The following SPINT2 variants were observed in gnomAD, a reference collection of about 807,000 sequenced individuals.
SPINT2 encodes the protein serine peptidase inhibitor, Kunitz type 2.
Under a neutral mutation model 30.1 loss-of-function variants are expected in SPINT2, and 18 were observed. That is an observed-to-expected ratio of 0.60 (90% CI 0.41 to 0.89). The LOEUF is 0.89. SPINT2 is among the 40% of genes least tolerant of loss of function. The pLI, the probability that SPINT2 is intolerant of heterozygous loss-of-function variation, is 0.00. For missense variants in SPINT2, 276 were observed against 334.3 expected (o/e 0.83, Z 1.36); for synonymous variants, 139 against 137.9 (o/e 1.01, Z -0.05).
At chr19:38,282,095 G>T (rs1348264795) in intron 1 of SPINT2, among the ~76,000 whole-genome samples, 2 of 152,276 alleles carry the variant, frequency 1.3e-5, no homozygotes, top group East Asian at 3.9e-4. Flanking sequence ...TTCCTTGGAG[G>T]CATGTATGTG....
intron 2 of SPINT2, 89 bp from the exon 3 acceptor site, chr19:38,287,786 TG>T: frequency 7.3e-7 from 1 of 1,374,820 alleles, no homozygotes; most frequent in Non-Finnish European, 1.0e-6. Context: ...GTGGATGCTG[TG>T]GTGAGAGGCG....
chr19:38,271,709 G>A (rs1015662452), intron 1 of SPINT2, among the ~76,000 whole-genome samples: 2 of 151,806 alleles, frequency 1.3e-5, no homozygotes, highest in African/African-American at 2.4e-5. Flanking sequence ...AGTGGCAGGC[G>A]CCTGGAGGCT....
chr19:38,274,797 A>T (rs148789382), intron 1 of SPINT2, among the ~76,000 whole-genome samples: 139 of 150,320 alleles, frequency 9.2e-4, no homozygotes, highest in African/African-American at 3.2e-3. Context: ...CCTGGACGAC[A>T]GAGTGAGACT....
At chr19:38,281,312 G>A (rs1201971384) in intron 1 of SPINT2, among the ~76,000 whole-genome samples, 1 of 152,058 alleles carries the variant, frequency 6.6e-6, no homozygotes, top group Non-Finnish European at 1.5e-5. Flanking sequence ...TACTCAGGAG[G>A]CTGAGGTGGG....
In SPINT2 at chr19:38,269,607, C is replaced by CTTT. The variant is rs1189751582; in HGVS notation, c.106+4626_106+4628dup. ...TTTTAGTTGAGATGGGATTTCTTTTCTTTTTTTTTTTTTTTTTTTGAGACG... is the reference window on the plus strand; with the variant it reads ...TTTTAGTTGAGATGGGATTTCTTTTCTTTTTTTTTTTTTTTTTTTTTTGAGACG... On this transcript the variant is annotated intron_variant, in intron 1 of 6. Transcript: ENST00000301244. Among the ~76,000 whole-genome samples the CTTT allele has an allele frequency of 4.8e-4, 51 of 106,160 alleles. No individual in the cohort carries two copies. In the East Asian group the frequency reaches 0.01, roughly 21 times the overall value. The allele number at this position is 106,160 out of a possible 152,430, so 69.6% of individuals were successfully genotyped here. A position where few individuals can be genotyped will look rare whatever the true frequency, so the allele number is the denominator to read the frequency against.
chr19:38,269,026 C>T (rs1968415715), intron 1 of SPINT2, among the ~76,000 whole-genome samples: 1 of 152,024 alleles, frequency 6.6e-6, no homozygotes, highest in African/African-American at 2.4e-5. Flanking sequence ...TTGTGCCTGG[C>T]CCTGGGCATC....
intron 4 of SPINT2, chr19:38,289,900 G>A: frequency 1.6e-6 from 1 of 611,174 alleles, no homozygotes. Flanking sequence ...AACAGGGCTT[G>A]GCAGAGAGCA....
At chr19:38,287,199 G>GT (rs971902699) in intron 2 of SPINT2, among the ~76,000 whole-genome samples, 3 of 151,568 alleles carry the variant, frequency 2.0e-5, no homozygotes, top group Admixed American at 2.0e-4. Flanking sequence ...AACTTTTTGG[G>GT]TTTTTTTGTT....
In SPINT2 at chr19:38,290,585, C is replaced by A. The variant is rs546798985; in HGVS notation, c.592+10C>A. Reference sequence around the variant, plus strand: ...CCCCTTGGCTCAAAGGGTAAGTGGCCCCTTACCCTCCTCCTGCCATCAGCC... The same window carrying A: ...CCCCTTGGCTCAAAGGGTAAGTGGCACCTTACCCTCCTCCTGCCATCAGCC... On this transcript the variant is annotated intron_variant, in intron 6 of 6. Coordinates refer to ENST00000301244, the MANE Select transcript of SPINT2 (RefSeq NM_021102.4). The surrounding 1 kb of genome is among the most constrained non-coding windows in gnomAD (Gnocchi z 4.3). The A allele has an allele frequency of 1.2e-6, 2 of 1,613,636 alleles. No homozygotes were observed. The highest frequency in any genetic ancestry group is 2.2e-5 in the South Asian group (2 of 90,982).
At position 38,290,437 on chromosome 19, in the gene SPINT2, G is replaced by A. The variant is rs1968703246; in HGVS notation, c.554-100G>A. ...AGAAAAGCTGGAAGAAAGCCCCTCA[G>A]AAAGAGCTCCCCATGGAGGCCCTGG... On this transcript the variant is annotated intron_variant, in intron 5 of 6. Coordinates refer to ENST00000301244, the MANE Select transcript of SPINT2 (RefSeq NM_021102.4). The surrounding 1 kb of genome is among the most constrained non-coding windows in gnomAD (Gnocchi z 4.3). 8.7e-6 allele frequency: 14 copies of A among 1,606,640 alleles called. No individual in the cohort carries two copies. Among genetic ancestry groups the A allele is most frequent in the Non-Finnish European group, 1.1e-5 (13 of 1,176,050 alleles).
In SPINT2 at chr19:38,264,712, C is replaced by G; in HGVS notation, c.-181C>G. On this transcript the variant is annotated 5_prime_UTR_variant, in exon 1 of 7. Transcript: ENST00000301244. ...TCGCGCGCCGAGAAGGCCGGGCGTCCCCACACTGAAGGTCCGGAAAGGCGA... is the reference window on the plus strand; with the variant it reads ...TCGCGCGCCGAGAAGGCCGGGCGTCGCCACACTGAAGGTCCGGAAAGGCGA... The G allele has an allele frequency of 1.6e-6, 1 of 620,046 alleles. No individual in the cohort carries two copies. The highest frequency in any genetic ancestry group is 2.8e-6 in the Non-Finnish European group (1 of 359,136). The allele number at this position is 620,046 out of a possible 1,614,324, so 38.4% of individuals were successfully genotyped here.
chr19:38,264,712 C>A lies in SPINT2; in HGVS notation c.-181C>A, dbSNP rs1263098658. 3 of 619,928 alleles carry A rather than the reference C, an allele frequency of 4.8e-6. No individual in the cohort carries two copies. The highest frequency in any genetic ancestry group is 3.8e-5 in the African/African-American group (2 of 52,346). The allele number at this position is 619,928 out of a possible 1,614,324, so 38.4% of individuals were successfully genotyped here. Reference sequence around the variant, plus strand: ...TCGCGCGCCGAGAAGGCCGGGCGTCCCCACACTGAAGGTCCGGAAAGGCGA... The same window carrying A: ...TCGCGCGCCGAGAAGGCCGGGCGTCACCACACTGAAGGTCCGGAAAGGCGA... On this transcript the variant is annotated 5_prime_UTR_variant, in exon 1 of 7. Transcript: ENST00000301244.
At chr19:38,268,479 G>C (rs1968407180) in intron 1 of SPINT2, among the ~76,000 whole-genome samples, 1 of 152,204 alleles carries the variant, frequency 6.6e-6, no homozygotes, top group Non-Finnish European at 1.5e-5. Flanking sequence ...TTGCCTGAAA[G>C]ACATGAAGAT....
chr19:38,288,687 C>T, intron 3 of SPINT2: 1 of 223,942 alleles, frequency 4.5e-6, no homozygotes. Context: ...TTGCAGAGTG[C>T]TGGGGCGTTA....
chr19:38,264,858 G>A lies in SPINT2; in HGVS notation c.-35G>A. ...ACCTGATCGCGAGACCCCAACGGCT[G>A]GTGGCGTCGCCTGCGCGTCTCGGCT... is the stretch of plus-strand genomic sequence containing the variant. On this transcript the variant is annotated 5_prime_UTR_variant, in exon 1 of 7. Coordinates refer to ENST00000301244, the MANE Select transcript of SPINT2 (RefSeq NM_021102.4). 1 of 1,528,494 alleles carries A rather than the reference G, an allele frequency of 6.5e-7. No individual in the cohort carries two copies. The allele number at this position is 1,528,494 out of a possible 1,614,324, so 94.7% of individuals were successfully genotyped here.
intron 1 of SPINT2, among the ~76,000 whole-genome samples, chr19:38,280,386 A>C (rs1019731450): frequency 6.6e-6 from 1 of 152,168 alleles, no homozygotes; most frequent in African/African-American, 2.4e-5. Context: ...CTTGCTTTCC[A>C]AGGTGTTTTG....
At chr19:38,271,458 C>T (rs1968455202) in intron 1 of SPINT2, among the ~76,000 whole-genome samples, 1 of 150,546 alleles carries the variant, frequency 6.6e-6, no homozygotes, top group African/African-American at 2.4e-5. Context: ...TGCCACTGCA[C>T]TCCAGCCTGG....
chr19:38,287,435 G>C (rs981801506), intron 2 of SPINT2, among the ~76,000 whole-genome samples: 1 of 151,982 alleles, frequency 6.6e-6, no homozygotes, highest in African/African-American at 2.4e-5. Flanking sequence ...CTGACCTCGC[G>C]ATCTGCCCAC....
Position 38,290,622 on chromosome 19 carries a change from T to TCAGCCTGCC in SPINT2, c.592+47_592+48insCAGCCTGCC. ...TCCTGCCATCAGCCTGCCTCCTCCC[T>TCAGCCTGCC]TCCTTGACTGAGCTCAGCCCTGCCC... On this transcript the variant is annotated intron_variant, in intron 6 of 6. Coordinates refer to ENST00000301244, the MANE Select transcript of SPINT2 (RefSeq NM_021102.4). This position sits in a 1 kb window ranked among gnomAD's most constrained non-coding sequence, Gnocchi z 4.3. 6.2e-7 allele frequency: 1 copy of TCAGCCTGCC among 1,604,788 alleles called. No individual in the cohort carries two copies. Among genetic ancestry groups the TCAGCCTGCC allele is most frequent in the Non-Finnish European group, 8.5e-7 (1 of 1,175,414 alleles).
Sources: gnomAD v4.1 joint callset for allele counts (sites outside exome capture counted in the v4.1 genomes callset) on GRCh38, gnomAD v4.1.1 for gene constraint, Gnocchi (gnomAD v3.1) non-coding constraint, MANE v1.5 for transcripts, NCBI Gene and HGNC (gene_info 2026-07-23, HGNC 2026-07-21) for gene names.